The following IGLL5 variants were observed in gnomAD, a reference collection of about 807,000 sequenced individuals.
IGLL5 encodes the protein immunoglobulin lambda-like polypeptide 5.
In IGLL5, 30 loss-of-function variants were observed where a neutral mutation model predicts 20.9. That is an observed-to-expected ratio of 1.44 (90% CI 1.07 to 1.95). The LOEUF (loss-of-function observed/expected upper bound fraction) is 1.95. Ranked by LOEUF, IGLL5 falls within the 30% of genes most tolerant of loss-of-function variation. The probability of loss-of-function intolerance (pLI) is 0.00; values close to 1 mark genes in which losing one functional copy is unlikely to be tolerated. For synonymous variants in IGLL5, 203 were observed against 117.3 expected (o/e 1.73, Z -4.72); for missense variants, 475 against 270.7 (o/e 1.75, Z -5.30).
chr22:22,890,551 ATTTGTG>A (rs2067805690), intron 1 of IGLL5, among the ~76,000 whole-genome samples: 1 of 103,368 alleles, frequency 9.7e-6, no homozygotes, highest in Admixed American at 1.2e-4. Flanking sequence ...TGCAGTGGAA[ATTTGTG>A]TGTGTGTGTG....
chr22:22,894,705 T>C (rs947679156), intron 2 of IGLL5, among the ~76,000 whole-genome samples: 1 of 151,344 alleles, frequency 6.6e-6, no homozygotes, highest in South Asian at 2.1e-4. Context: ...TCTCATAGTC[T>C]GTGGGAGCAG....
At position 22,895,869 on chromosome 22, in the gene IGLL5, T is replaced by C; in HGVS notation, c.*175T>C. On this transcript the variant is annotated 3_prime_UTR_variant, in exon 3 of 3. Transcript: ENST00000526893. Reference sequence around the variant, plus strand: ...ATCTCATTTTTTTTCTCACATAAATTGCTAGCCTCCCCGGGGTTCTCAGTG... The same window carrying C: ...ATCTCATTTTTTTTCTCACATAAATCGCTAGCCTCCCCGGGGTTCTCAGTG... 1.4e-6 allele frequency: 1 copy of C among 703,234 alleles called. No individual in the cohort carries two copies. The highest frequency in any genetic ancestry group is 2.5e-6 in the Non-Finnish European group (1 of 407,538). 43.6% of individuals were successfully genotyped at this position (703,234 alleles called of 1,614,324 possible).
chr22:22,892,225 G>C (rs529457589), intron 1 of IGLL5, among the ~76,000 whole-genome samples: 3 of 151,082 alleles, frequency 2.0e-5, no homozygotes, highest in East Asian at 2.0e-4. Context: ...AACAAGTGTT[G>C]AATTTATATT....
rs3029157 is a variant in IGLL5 at position 22,890,553 on chromosome 22, T to TTGTGTG, written c.206+2336_206+2341dup. Among the ~76,000 whole-genome samples, 1,123 of 120,958 alleles carry TTGTGTG rather than the reference T, an allele frequency of 9.3e-3. 25 individuals carry two copies. Among genetic ancestry groups the TTGTGTG allele is most frequent in the African/African-American group, 0.021 (685 of 32,958 alleles). The allele number at this position is 120,958 out of a possible 152,430, so 79.4% of individuals were successfully genotyped here. ...TGACAAATGATGCTGCAGTGGAAATTTGTGTGTGTGTGTGTGTGTGTGTGT... is the reference window on the plus strand; with the variant it reads ...TGACAAATGATGCTGCAGTGGAAATTTGTGTGTGTGTGTGTGTGTGTGTGTGTGTGT... On this transcript the variant is annotated intron_variant, in intron 1 of 2. Coordinates refer to ENST00000526893, the MANE Select transcript of IGLL5 (RefSeq NM_001178126.2).
chr22:22,890,119 A>C (rs148353155), intron 1 of IGLL5, among the ~76,000 whole-genome samples: 2 of 150,550 alleles, frequency 1.3e-5, no homozygotes, highest in Admixed American at 6.7e-5. Context: ...TGTAATGAGT[A>C]TATTACAAAA....
intron 2 of IGLL5, among the ~76,000 whole-genome samples, chr22:22,894,244 A>T: frequency 6.6e-6 from 1 of 150,994 alleles, no homozygotes; most frequent in Admixed American, 6.6e-5. Flanking sequence ...AGAACAGCTG[A>T]GGGTCTAGGC....
In IGLL5 at chr22:22,888,255, G is replaced by T; in HGVS notation, c.202G>T (p.Gly68Cys). Residue 68 changes from glycine (G) to cysteine (C), a missense_variant, in exon 1 of 3, where the codon GGC becomes TGC. Physicochemically the swap from Gly to Cys is radical, Grantham distance 159. Transcript: ENST00000526893. ...SSRSSLRSLWGRLLLQPSPQR... is the reference protein window; with the variant it reads ...SSRSSLRSLWCRLLLQPSPQR... ...CCGATCCAGCCTGCGGAGCCTGTGG[G>T]GCAGGTAAGGGGCAAGAGATTCCAG... is the stretch of plus-strand genomic sequence containing the variant. 5 of 1,547,546 alleles carry T rather than the reference G, an allele frequency of 3.2e-6. No individual in the cohort carries two copies. Among genetic ancestry groups the T allele is most frequent in the Non-Finnish European group, 4.4e-6 (5 of 1,146,398 alleles).
At position 22,894,240 on chromosome 22, in the gene IGLL5, G is replaced by C. The variant is rs142662485; in HGVS notation, c.325+422G>C. The stretch of plus-strand genomic sequence containing the variant: ...GTCTAGGGGAGCAGCCCCAAGAACA[G>C]CTGAGGGTCTAGGCTGAGGACTGGA... On this transcript the variant is annotated intron_variant, in intron 2 of 2. Coordinates refer to ENST00000526893, the MANE Select transcript of IGLL5 (RefSeq NM_001178126.2). Among the ~76,000 whole-genome samples the C allele has an allele frequency of 4.0e-4, 60 of 150,782 alleles. 1 individual carries two copies. The highest frequency in any genetic ancestry group is 3.9e-3 in the Middle Eastern group (1 of 256).
intron 2 of IGLL5, among the ~76,000 whole-genome samples, chr22:22,894,628 C>A (rs565829068): frequency 6.6e-6 from 1 of 150,934 alleles, no homozygotes; most frequent in African/African-American, 2.4e-5. Flanking sequence ...GTGCAGAGAA[C>A]TCCATGGCTA....
In IGLL5 at chr22:22,888,301, C is replaced by T. The variant is rs540402662; in HGVS notation, c.206+42C>T. The T allele has an allele frequency of 1.6e-5, 25 of 1,531,398 alleles. 1 individual carries two copies. The highest frequency in any genetic ancestry group is 5.9e-5 in the Admixed American group (3 of 50,448). 94.9% of individuals were successfully genotyped at this position (1,531,398 alleles called of 1,614,324 possible). On this transcript the variant is annotated intron_variant, in intron 1 of 2. Coordinates refer to ENST00000526893, the MANE Select transcript of IGLL5 (RefSeq NM_001178126.2). ...TCCAGGGGATGTGGGGGTCCTGCAG[C>T]AGAGCTGGGAAAGGGTGACCAAGGG... is the stretch of plus-strand genomic sequence containing the variant.
At chr22:22,888,824 A>G (rs549312772) in intron 1 of IGLL5, among the ~76,000 whole-genome samples, 4 of 151,384 alleles carry the variant, frequency 2.6e-5, no homozygotes, top group Admixed American at 2.0e-4. Context: ...CAGTCATTGG[A>G]ACAGGCCCAC....
At chr22:22,895,133 G>C (rs2066726474) in intron 2 of IGLL5, among the ~76,000 whole-genome samples, 1 of 151,388 alleles carries the variant, frequency 6.6e-6, no homozygotes, top group Admixed American at 6.6e-5. Flanking sequence ...TGAGGCTGTA[G>C]AGGAGAGGGG....
At chr22:22,888,890 G>A (rs2067660789) in intron 1 of IGLL5, among the ~76,000 whole-genome samples, 1 of 151,402 alleles carries the variant, frequency 6.6e-6, no homozygotes, top group East Asian at 2.0e-4. Context: ...ATGATGCCCA[G>A]GCTGGTCTCA....
chr22:22,893,853 C>T (rs759561413), intron 2 of IGLL5, 35 bp downstream of exon 2: 17 of 1,370,032 alleles, frequency 1.2e-5, no homozygotes, highest in African/African-American at 4.3e-5. Flanking sequence ...GCCTGTCTCA[C>T]CCTCTGCTGT....
chr22:22,895,360 T>C lies in IGLL5; in HGVS notation c.326-15T>C. ...TTCTGTCTGCCCTCTCTCACCCCCT[T>C]CCCTGTCCACACAGGTCAGCCCAAG... On this transcript the variant is annotated splice_polypyrimidine_tract_variant and intron_variant, in intron 2 of 2. Transcript: ENST00000526893. The C allele has an allele frequency of 6.2e-7, 1 of 1,610,902 alleles. No individual in the cohort carries two copies. The highest frequency in any genetic ancestry group is 8.5e-7 in the Non-Finnish European group (1 of 1,178,124).
At chr22:22,888,761 T>A (rs2067643679) in intron 1 of IGLL5, among the ~76,000 whole-genome samples, 1 of 151,352 alleles carries the variant, frequency 6.6e-6, no homozygotes, top group African/African-American at 2.4e-5. Context: ...AAATGCTTAC[T>A]GGGGCCAGGC....
At chr22:22,893,967 T>A (rs768028998) in intron 2 of IGLL5, 149 bp downstream of exon 2, 17 of 686,062 alleles carry the variant, frequency 2.5e-5, no homozygotes, top group Middle Eastern at 2.5e-4. Flanking sequence ...GGAGGTGCAT[T>A]AGTCTCCGGG....
At chr22:22,894,314 C>T (rs559213539) in intron 2 of IGLL5, among the ~76,000 whole-genome samples, 6 of 151,348 alleles carry the variant, frequency 4.0e-5, no homozygotes, top group South Asian at 2.1e-4. Context: ...ACAGAGGTCA[C>T]CCCAAGGGGA....
At chr22:22,890,385 A>G (rs2067795694) in intron 1 of IGLL5, among the ~76,000 whole-genome samples, 2 of 149,772 alleles carry the variant, frequency 1.3e-5, no homozygotes, top group East Asian at 4.2e-4. Context: ...TAAGAGCCAT[A>G]TTCTGCATAT....
Sources: gnomAD v4.1 joint callset for allele counts (sites outside exome capture counted in the v4.1 genomes callset) on GRCh38, gnomAD v4.1.1 for gene constraint, MANE v1.5 for transcripts, NCBI Gene and HGNC (gene_info 2026-07-23, HGNC 2026-07-21) for gene names.